The following PBRM1 variants were observed in gnomAD, a reference collection of about 807,000 sequenced individuals.
PBRM1 encodes the protein protein polybromo-1.
Under a neutral mutation model 194.5 loss-of-function variants are expected in PBRM1, and 27 were observed. The ratio of observed to expected loss-of-function variants is 0.14; its 90% CI spans 0.10 to 0.19. PBRM1 has a LOEUF of 0.19. Ranked by LOEUF, PBRM1 falls within the 10% of genes least tolerant of loss-of-function variation. PBRM1 has a pLI of 1.00. For missense variants in PBRM1, 1,466 were observed against 2,077.2 expected, an observed-to-expected ratio of 0.71 and a Z score of 5.72; for synonymous variants, 655 against 693.2, an observed-to-expected ratio of 0.94 and a Z score of 0.87.
chr3:52,554,785 C>T (rs1195704758), exon 27 of PBRM1: 1 of 1,587,422 alleles, frequency 6.3e-7, no homozygotes, highest in Non-Finnish European at 8.5e-7. Context: ...GTGGAGGCCC[C>T]CCAGGGTGAA....
intron 3 of PBRM1, among the ~76,000 whole-genome samples, chr3:52,664,412 G>GAA (rs58727570): frequency 0.044 from 4,415 of 101,106 alleles, 373 homozygotes; most frequent in African/African-American, 0.16. Context: ...TGAAAGAACT[G>GAA]AAAAAAAAAA....
chr3:52,658,325 TG>T lies in PBRM1; in HGVS notation c.529-11del. The T allele has an allele frequency of 6.8e-7, 1 of 1,463,330 alleles. No individual in the cohort carries two copies. Among genetic ancestry groups the T allele is most frequent in the African/African-American group, 1.4e-5 (1 of 71,762 alleles). The allele number at this position is 1,463,330 out of a possible 1,614,324, so 90.6% of individuals were successfully genotyped here. A position where few individuals can be genotyped will look rare whatever the true frequency, so the allele number is the denominator to read the frequency against. On this transcript the variant is annotated splice_polypyrimidine_tract_variant and intron_variant, in intron 4 of 29. Transcript: ENST00000296302. ...AGTAAGCTGGAGAAGACTGGTAATG[TG>T]GAGAAAAAAGTACTTTCTAAGAGAA... is the stretch of plus-strand genomic sequence containing the variant.
intron 22 of PBRM1, among the ~76,000 whole-genome samples, chr3:52,569,315 C>G (rs1411965779): frequency 6.6e-6 from 1 of 151,868 alleles, no homozygotes; most frequent in Non-Finnish European, 1.5e-5. Flanking sequence ...GGTTCACCCC[C>G]TTCTCCTGCC....
At chr3:52,673,998 C>A (rs1392977292) in intron 2 of PBRM1, among the ~76,000 whole-genome samples, 1 of 151,426 alleles carries the variant, frequency 6.6e-6, no homozygotes, top group East Asian at 1.9e-4. Flanking sequence ...CTGCAATAAG[C>A]CATGATCACG....
downstream of PBRM1, chr3:52,545,594 A>G (rs2079592806): frequency 8.6e-6 from 2 of 232,874 alleles, no homozygotes; most frequent in African/African-American, 4.4e-5. Flanking sequence ...TCTTCCTCAT[A>G]GGAAGGGGAG....
chr3:52,619,292 G>A (rs1054740400), intron 13 of PBRM1, among the ~76,000 whole-genome samples: 3 of 152,274 alleles, frequency 2.0e-5, no homozygotes, highest in Admixed American at 6.5e-5. Context: ...CTTGTATACC[G>A]AAATACATAG....
chr3:52,572,356 G>A (rs978409011), intron 22 of PBRM1, among the ~76,000 whole-genome samples: 1 of 152,144 alleles, frequency 6.6e-6, no homozygotes, highest in Middle Eastern at 3.4e-3. Flanking sequence ...GCCACATGTG[G>A]CCATCTGATT....
intron 22 of PBRM1, among the ~76,000 whole-genome samples, chr3:52,573,274 C>T (rs1173774746): frequency 1.3e-5 from 2 of 151,858 alleles, no homozygotes; most frequent in African/African-American, 4.8e-5. Context: ...TAGAATGCAA[C>T]ACATTTTCTT....
chr3:52,559,778 C>G (rs1158732104), intron 25 of PBRM1, among the ~76,000 whole-genome samples: 1 of 149,696 alleles, frequency 6.7e-6, no homozygotes, highest in South Asian at 2.1e-4. Flanking sequence ...TCCTAGTTTA[C>G]AGACCCTTTG....
chr3:52,574,799 TG>T (rs2088853338), intron 22 of PBRM1, among the ~76,000 whole-genome samples: 1 of 152,232 alleles, frequency 6.6e-6, no homozygotes, highest in Admixed American at 6.5e-5. Context: ...GGGAGTTTTA[TG>T]GTTTTATTGG....
intron 2 of PBRM1, among the ~76,000 whole-genome samples, chr3:52,675,128 A>G (rs142843335): frequency 7.2e-4 from 109 of 152,352 alleles, no homozygotes; most frequent in African/African-American, 2.6e-3. Context: ...TAGATAAACT[A>G]GAAGAAATGG....
chr3:52,684,405 C>G (rs935971403), upstream of PBRM1, among the ~76,000 whole-genome samples: 1 of 151,926 alleles, frequency 6.6e-6, no homozygotes, highest in Non-Finnish European at 1.5e-5. Flanking sequence ...GTATTTCGAC[C>G]GTTTATGAAC....
At position 52,629,125 on chromosome 3, in the gene PBRM1, A is replaced by G. The variant is rs1421201107; in HGVS notation, c.1302-90T>C. ...AGTCCAATGCAAAATCTTGACAAGC[A>G]CTACATGGTATCTTTACTGGTAATA... On this transcript the variant is annotated intron_variant, in intron 11 of 29. Transcript: ENST00000296302. The G allele has an allele frequency of 3.1e-6, 3 of 962,726 alleles. No homozygotes were observed. In the African/African-American group the frequency reaches 4.9e-5, roughly 16 times the overall value. The allele number at this position is 962,726 out of a possible 1,614,324, so 59.6% of individuals were successfully genotyped here.
exon 28 of PBRM1, chr3:52,550,793 G>T: frequency 6.2e-7 from 1 of 1,611,714 alleles, no homozygotes; most frequent in Non-Finnish European, 8.5e-7. Flanking sequence ...CCCTACCATA[G>T]GGGCCACTCC....
intron 1 of PBRM1, among the ~76,000 whole-genome samples, chr3:52,685,225 A>C (rs2097292100): frequency 6.6e-6 from 1 of 152,182 alleles, no homozygotes; most frequent in African/African-American, 2.4e-5. Flanking sequence ...TCCCCAAACC[A>C]AGAAATATAC....
chr3:52,675,158 C>G (rs1046810702), intron 2 of PBRM1, among the ~76,000 whole-genome samples: 8 of 152,134 alleles, frequency 5.3e-5, no homozygotes, highest in Admixed American at 1.3e-4. Flanking sequence ...TAGAAACACA[C>G]AACCTACTAA....
exon 26 of PBRM1, chr3:52,558,396 C>A: frequency 6.5e-7 from 1 of 1,539,632 alleles, no homozygotes; most frequent in Non-Finnish European, 8.8e-7. Flanking sequence ...TGCTGCTCAG[C>A]AACTTTAGCT....
intron 2 of PBRM1, among the ~76,000 whole-genome samples, chr3:52,677,075 C>T (rs868478362): frequency 1.2e-4 from 19 of 152,114 alleles, no homozygotes; most frequent in Admixed American, 2.6e-4. Flanking sequence ...AATTTGCAGC[C>T]TAGTCCTGTC....
At chr3:52,617,155 G>A in intron 14 of PBRM1, 107 bp downstream of exon 16, 1 of 824,348 alleles carries the variant, frequency 1.2e-6, no homozygotes, top group Non-Finnish European at 1.8e-6. Context: ...TCACCAAAAA[G>A]AATAATCTAA....
Sources: allele counts gnomAD v4.1 joint callset (sites outside exome capture counted in the v4.1 genomes callset), GRCh38; gene constraint gnomAD v4.1.1; transcripts MANE v1.5; gene names NCBI Gene and HGNC (gene_info 2026-07-23, HGNC 2026-07-21).